Variants in LRRTM4 observed in about 807,000 individuals in gnomAD.
The protein encoded by LRRTM4 is leucine-rich repeat transmembrane neuronal protein 4.
LRRTM4 carries 25 observed loss-of-function variants against 47.6 expected under a neutral mutation model. That is an observed-to-expected ratio of 0.53 (90% CI 0.38 to 0.73). The LOEUF is 0.73. LRRTM4 is among the 30% of genes least tolerant of loss of function. The probability of loss-of-function intolerance (pLI) is 0.00; values close to 1 mark genes in which losing one functional copy is unlikely to be tolerated. For missense variants in LRRTM4, 638 were observed against 713.4 expected (o/e 0.89, Z 1.20); for synonymous variants, 311 against 269.5 (o/e 1.15, Z -1.51).
rs1674260942 is a variant in LRRTM4 at position 77,407,689 on chromosome 2, A to AT, written c.1551+110628_1551+110629insA. On this transcript the variant is annotated intron_variant, in intron 3 of 3. Coordinates refer to ENST00000409884, the MANE Select transcript of LRRTM4 (RefSeq NM_001134745.3). ...ATAATAATTATATAATATTTAATAT[A>AT]ATATATGATATATATAATATATCAT... Among the ~76,000 whole-genome samples the AT allele has an allele frequency of 2.2e-5, 3 of 136,832 alleles. 1 individual carries two copies. The highest frequency in any genetic ancestry group is 7.6e-5 in the Admixed American group (1 of 13,154). The allele number at this position is 136,832 out of a possible 152,430, so 89.8% of individuals were successfully genotyped here.
At chr2:77,384,233 T>TG (rs1673173216) in intron 3 of LRRTM4, among the ~76,000 whole-genome samples, 2 of 151,946 alleles carry the variant, frequency 1.3e-5, no homozygotes, top group African/African-American at 4.8e-5. Flanking sequence ...GTTTTTTTTT[T>TG]TTAAAAATTC....
chr2:76,789,874 A>G (rs1459013888), intron 3 of LRRTM4, among the ~76,000 whole-genome samples: 2 of 152,094 alleles, frequency 1.3e-5, no homozygotes, highest in Non-Finnish European at 2.9e-5. Context: ...GGAAATTATC[A>G]GCACTCTTCT....
At chr2:76,914,990 C>G (rs1421218863) in intron 3 of LRRTM4, among the ~76,000 whole-genome samples, 2 of 152,128 alleles carry the variant, frequency 1.3e-5, no homozygotes, top group African/African-American at 4.8e-5. Flanking sequence ...CACTGAGGTA[C>G]GCAGAAAGAA....
chr2:77,380,403 A>T (rs1361228277), intron 3 of LRRTM4, among the ~76,000 whole-genome samples: 1 of 152,078 alleles, frequency 6.6e-6, no homozygotes, highest in Non-Finnish European at 1.5e-5. Flanking sequence ...GCTTCCAAAA[A>T]TTTTTCATAA....
intron 3 of LRRTM4, among the ~76,000 whole-genome samples, chr2:77,022,811 G>A (rs1208323498): frequency 6.6e-6 from 1 of 152,170 alleles, no homozygotes; most frequent in African/African-American, 2.4e-5. Context: ...TTATGGGCTG[G>A]CATTGAGTGT....
intron 3 of LRRTM4, among the ~76,000 whole-genome samples, chr2:77,040,900 C>A (rs1451829106): frequency 6.6e-6 from 1 of 151,076 alleles, no homozygotes; most frequent in Non-Finnish European, 1.5e-5. Flanking sequence ...AATAGTATAC[C>A]TATCACCTCA....
rs115901653 is a variant in LRRTM4 at position 77,085,691 on chromosome 2, A to G, written c.1552-336775T>C. On this transcript the variant is annotated intron_variant, in intron 3 of 3. Coordinates refer to ENST00000409884, the MANE Select transcript of LRRTM4 (RefSeq NM_001134745.3). ...AAAAATGTGTCCGACTAAACAGAAC[A>G]ATCGAATCATTGTCTCTTTCAAAAG... is the stretch of plus-strand genomic sequence containing the variant. Among the ~76,000 whole-genome samples, 733 of 152,312 alleles carry G rather than the reference A, an allele frequency of 4.8e-3. 1 individual carries two copies. The highest frequency in any genetic ancestry group is 0.016 in the African/African-American group (654 of 41,564).
chr2:77,500,662 G>A (rs1406588798), intron 3 of LRRTM4, among the ~76,000 whole-genome samples: 1 of 151,432 alleles, frequency 6.6e-6, no homozygotes, highest in South Asian at 2.1e-4. Context: ...ATCTCAAAAT[G>A]AAAGATTTAG....
chr2:77,011,682 T>A (rs138495975), intron 3 of LRRTM4, among the ~76,000 whole-genome samples: 1,882 of 152,106 alleles, frequency 0.012, 39 homozygotes, highest in African/African-American at 0.043. Context: ...GTCAGTATCC[T>A]TTGCCATGGA....
chr2:76,824,328 G>C (rs2103868479), intron 3 of LRRTM4, among the ~76,000 whole-genome samples: 1 of 151,578 alleles, frequency 6.6e-6, no homozygotes, highest in Non-Finnish European at 1.5e-5. Context: ...ACTCATAAAT[G>C]CATGAATGGA....
chr2:77,053,613 A>G (rs1679510719), intron 3 of LRRTM4, among the ~76,000 whole-genome samples: 1 of 152,096 alleles, frequency 6.6e-6, no homozygotes, highest in Non-Finnish European at 1.5e-5. Context: ...AATTATCTCT[A>G]TTGAGTTAGG....
chr2:76,826,876 T>A (rs1671205171), intron 3 of LRRTM4, among the ~76,000 whole-genome samples: 1 of 151,860 alleles, frequency 6.6e-6, no homozygotes. Flanking sequence ...GGATGGAGAT[T>A]TCCATTTGTG....
chr2:77,482,678 G>A (rs191167047), intron 3 of LRRTM4, among the ~76,000 whole-genome samples: 7 of 152,124 alleles, frequency 4.6e-5, no homozygotes, highest in Admixed American at 1.3e-4. Context: ...ACAAATAACC[G>A]TGGTAATTAT....
intron 3 of LRRTM4, among the ~76,000 whole-genome samples, chr2:77,222,476 G>A (rs576694272): frequency 6.6e-6 from 1 of 152,110 alleles, no homozygotes; most frequent in East Asian, 1.9e-4. Flanking sequence ...TAATAAAGAA[G>A]AAAAGAGAGA....
intron 3 of LRRTM4, among the ~76,000 whole-genome samples, chr2:77,018,247 A>C (rs1573457330): frequency 8.2e-6 from 1 of 121,372 alleles, no homozygotes; most frequent in East Asian, 2.5e-4. Flanking sequence ...TGTAATGCTA[A>C]GCTCTTGATT....
At chr2:77,308,580 T>G (rs1677356131) in intron 3 of LRRTM4, among the ~76,000 whole-genome samples, 1 of 152,134 alleles carries the variant, frequency 6.6e-6, no homozygotes, top group Admixed American at 6.6e-5. Context: ...ATTCTTCCGT[T>G]ATCTTGAGAT....
chr2:77,134,788 G>T (rs1286412572), intron 3 of LRRTM4, among the ~76,000 whole-genome samples: 1 of 151,970 alleles, frequency 6.6e-6, no homozygotes, highest in Non-Finnish European at 1.5e-5. Context: ...AAAAAAAGGG[G>T]GGATATCTTT....
At chr2:77,093,566 C>G (rs574612386) in intron 3 of LRRTM4, among the ~76,000 whole-genome samples, 6 of 151,890 alleles carry the variant, frequency 4.0e-5, no homozygotes, top group Middle Eastern at 3.4e-3. Flanking sequence ...TGAGAAACAT[C>G]GCCCATTCTC....
At chr2:76,915,000 A>T (rs1674195244) in intron 3 of LRRTM4, among the ~76,000 whole-genome samples, 1 of 152,244 alleles carries the variant, frequency 6.6e-6, no homozygotes. Context: ...CGCAGAAAGA[A>T]ATATGAACTG....
Sources: allele counts gnomAD v4.1 joint callset (sites outside exome capture counted in the v4.1 genomes callset), GRCh38; gene constraint gnomAD v4.1.1; transcripts MANE v1.5; gene names NCBI Gene and HGNC (gene_info 2026-07-23, HGNC 2026-07-21).